FMN1: variants seen among roughly 807,000 people sequenced by gnomAD.
FMN1 encodes the protein formin 1, also known as formin-1.
Under a neutral mutation model 132.4 loss-of-function variants are expected in FMN1, and 110 were observed. The ratio of observed to expected loss-of-function variants is 0.83; its 90% CI spans 0.71 to 0.97. The LOEUF is 0.97. Ranked by LOEUF, FMN1 falls within the 50% of genes least tolerant of loss-of-function variation. FMN1 has a pLI of 0.00. For missense variants in FMN1, 1,792 were observed against 1,705.3 expected, an observed-to-expected ratio of 1.05 and a Z score of -0.90; for synonymous variants, 722 against 651.7, an observed-to-expected ratio of 1.11 and a Z score of -1.64.
At chr15:33,044,770 C>T (rs535744158) in intron 6 of FMN1, among the ~76,000 whole-genome samples, 7 of 152,212 alleles carry the variant, frequency 4.6e-5, no homozygotes, top group East Asian at 3.9e-4. Context: ...GCTGAAAAGA[C>T]GACAGGATGA....
In FMN1 at chr15:32,770,260, A is replaced by G. The variant is rs1356469901; in HGVS notation, c.*4050T>C. On this transcript the variant is annotated 3_prime_UTR_variant, in exon 21 of 21. Transcript: ENST00000616417. Reference sequence around the variant, plus strand: ...GTGCATTGCTAATTCCCATTCACACACTGACTTGGCGCAATTTGCTGTGCT... The same window carrying G: ...GTGCATTGCTAATTCCCATTCACACGCTGACTTGGCGCAATTTGCTGTGCT... 6.6e-6 allele frequency: 1 copy of G among 152,154 alleles called. No homozygotes were observed. Among genetic ancestry groups the G allele is most frequent in the Non-Finnish European group, 1.5e-5 (1 of 68,026 alleles). The allele number at this position is 152,154 out of a possible 1,614,324, so 9.4% of individuals were successfully genotyped here.
At chr15:33,017,874 G>A (rs752741865) in intron 6 of FMN1, among the ~76,000 whole-genome samples, 2 of 152,144 alleles carry the variant, frequency 1.3e-5, no homozygotes, top group Non-Finnish European at 2.9e-5. Flanking sequence ...AGACCAGCCT[G>A]GCCAACATGG....
At chr15:33,042,998 A>G (rs190698883) in intron 6 of FMN1, among the ~76,000 whole-genome samples, 5 of 152,262 alleles carry the variant, frequency 3.3e-5, no homozygotes, top group African/African-American at 1.2e-4. Flanking sequence ...ATATGCGTGT[A>G]TATTTAAATA....
At chr15:32,928,005 C>T (rs1314918796) in intron 9 of FMN1, among the ~76,000 whole-genome samples, 1 of 152,182 alleles carries the variant, frequency 6.6e-6, no homozygotes, top group Non-Finnish European at 1.5e-5. Flanking sequence ...TAAGGGACAA[C>T]AATAGTTTGT....
At chr15:32,983,165 A>G (rs897941345) in intron 7 of FMN1, among the ~76,000 whole-genome samples, 1 of 152,188 alleles carries the variant, frequency 6.6e-6, no homozygotes, top group African/African-American at 2.4e-5. Flanking sequence ...ACCAAGTAGA[A>G]TCCTACTCAG....
At chr15:33,039,745 T>C (rs747640488) in intron 6 of FMN1, among the ~76,000 whole-genome samples, 1 of 127,032 alleles carries the variant, frequency 7.9e-6, no homozygotes, top group Non-Finnish European at 1.8e-5. Flanking sequence ...ATCTACTGAT[T>C]TTTATTATCT....
At chr15:32,930,083 G>A (rs1009207830) in intron 9 of FMN1, among the ~76,000 whole-genome samples, 8 of 139,410 alleles carry the variant, frequency 5.7e-5, no homozygotes, top group African/African-American at 8.2e-5. Context: ...TCTGCCTCCC[G>A]GGTTCACACC....
At chr15:32,946,973 A>T (rs1033353873) in intron 9 of FMN1, among the ~76,000 whole-genome samples, 1 of 152,180 alleles carries the variant, frequency 6.6e-6, no homozygotes, top group Non-Finnish European at 1.5e-5. Flanking sequence ...TATATGTATT[A>T]CAAATGTCTT....
chr15:32,968,094 A>C (rs1268443285), intron 8 of FMN1, among the ~76,000 whole-genome samples: 2 of 152,242 alleles, frequency 1.3e-5, no homozygotes, highest in Non-Finnish European at 2.9e-5. Flanking sequence ...AGCTATCCAC[A>C]TACTGACACT....
At chr15:33,084,901 G>A (rs1471483749) in intron 5 of FMN1, among the ~76,000 whole-genome samples, 1 of 152,170 alleles carries the variant, frequency 6.6e-6, no homozygotes, top group Non-Finnish European at 1.5e-5. Context: ...ACGTACTAAT[G>A]AGAGTCAGTG....
intron 17 of FMN1, among the ~76,000 whole-genome samples, chr15:32,827,185 A>G (rs2058387928): frequency 6.6e-6 from 1 of 152,216 alleles, no homozygotes. Context: ...TGGTCCAAGC[A>G]GCTTTACCGT....
At chr15:32,981,693 TTAC>T (rs887229039) in intron 7 of FMN1, among the ~76,000 whole-genome samples, 3 of 151,976 alleles carry the variant, frequency 2.0e-5, no homozygotes, top group African/African-American at 7.3e-5. Context: ...GGCAGAGTTC[TTAC>T]ATATGCCATC....
intron 16 of FMN1, among the ~76,000 whole-genome samples, chr15:32,869,321 C>T (rs1328107829): frequency 6.6e-6 from 1 of 152,034 alleles, no homozygotes; most frequent in Admixed American, 6.6e-5. Context: ...AGGCTGGTGA[C>T]CAGCCTGGTT....
chr15:33,007,009 C>A (rs1159732459), intron 7 of FMN1, among the ~76,000 whole-genome samples: 1 of 152,032 alleles, frequency 6.6e-6, no homozygotes, highest in African/African-American at 2.4e-5. Flanking sequence ...TAGTTCATAA[C>A]CATGTTATTG....
intron 17 of FMN1, among the ~76,000 whole-genome samples, chr15:32,847,291 T>C (rs1293022891): frequency 1.3e-5 from 2 of 151,422 alleles, no homozygotes; most frequent in East Asian, 3.9e-4. Flanking sequence ...TGTGTGTATG[T>C]GTGTGTGTGT....
At chr15:32,938,106 T>TC (rs2061321137) in intron 9 of FMN1, among the ~76,000 whole-genome samples, 1 of 152,144 alleles carries the variant, frequency 6.6e-6, no homozygotes, top group African/African-American at 2.4e-5. Context: ...CTTTTTTTTT[T>TC]CACTGTGTAG....
chr15:32,981,474 C>T (rs1341263024), intron 7 of FMN1, among the ~76,000 whole-genome samples: 2 of 149,534 alleles, frequency 1.3e-5, no homozygotes, highest in African/African-American at 2.5e-5. Flanking sequence ...GCCGAGATCG[C>T]GCCACTGCAC....
chr15:32,865,827 A>C, intron 16 of FMN1, among the ~76,000 whole-genome samples: 1 of 143,250 alleles, frequency 7.0e-6, no homozygotes, highest in African/African-American at 2.7e-5. Context: ...CAAGAGTGAA[A>C]CTCCACCTCA....
chr15:32,776,686 ACTT>A, intron 20 of FMN1, 146 bp downstream of exon 20: 1 of 545,044 alleles, frequency 1.8e-6, no homozygotes, highest in Admixed American at 3.6e-5. Context: ...ACCCACACAT[ACTT>A]TTTTTTTTTT....
Sources: gnomAD v4.1 joint callset for allele counts (sites outside exome capture counted in the v4.1 genomes callset) on GRCh38, gnomAD v4.1.1 for gene constraint, MANE v1.5 for transcripts, NCBI Gene and HGNC (gene_info 2026-07-23, HGNC 2026-07-21) for gene names.